Variants in LMNB1 observed in about 807,000 individuals in gnomAD.
LMNB1 encodes lamin B1.
LMNB1 carries 23 observed loss-of-function variants against 67.1 expected under a neutral mutation model. The ratio of observed to expected loss-of-function variants is 0.34; its 90% CI spans 0.25 to 0.49. LMNB1 has a LOEUF of 0.49. LMNB1 is among the 20% of genes least tolerant of loss of function. LMNB1 has a pLI of 0.99. For synonymous variants in LMNB1, 281 were observed against 282.9 expected, an observed-to-expected ratio of 0.99 and a Z score of 0.07; for missense variants, 634 against 746.5, an observed-to-expected ratio of 0.85 and a Z score of 1.76.
At chr5:126,826,132 C>A in intron 9 of LMNB1, 25 bp downstream of exon 9, 1 of 1,591,770 alleles carries the variant, frequency 6.3e-7, no homozygotes, top group Non-Finnish European at 8.6e-7. Context: ...TCAGGACCAC[C>A]ACAATGTTAA....
At position 126,827,151 on chromosome 5, in the gene LMNB1, A is replaced by G. The variant is rs552953213; in HGVS notation, c.1611+1044A>G. Among the ~76,000 whole-genome samples the G allele has an allele frequency of 1.2e-4, 19 of 152,292 alleles. 1 individual carries two copies. The highest frequency in any genetic ancestry group is 1.2e-3 in the South Asian group (6 of 4,824). On this transcript the variant is annotated intron_variant, in intron 9 of 10. Transcript: ENST00000261366. ...ATATAGGGGGAATGTTAGGCTGGCAAACCTGGTAGGGAAGCTAACCATATT... is the reference window on the plus strand; with the variant it reads ...ATATAGGGGGAATGTTAGGCTGGCAGACCTGGTAGGGAAGCTAACCATATT...
intron 8 of LMNB1, among the ~76,000 whole-genome samples, chr5:126,824,355 TAATC>T (rs1751938509): frequency 6.6e-6 from 1 of 152,236 alleles, no homozygotes; most frequent in Non-Finnish European, 1.5e-5. Flanking sequence ...CTTTAACATG[TAATC>T]AGTCTAAAAA....
chr5:126,795,888 A>C (rs1751075345), intron 1 of LMNB1, among the ~76,000 whole-genome samples: 1 of 146,936 alleles, frequency 6.8e-6, no homozygotes, highest in Non-Finnish European at 1.5e-5. Context: ...GGCCTCCCAA[A>C]GTGCTGGGAT....
Position 126,777,827 on chromosome 5 carries a change from C to T in LMNB1, c.319C>T (p.Leu107=). The T allele has an allele frequency of 6.8e-7, 1 of 1,480,614 alleles. No homozygotes were observed. Among genetic ancestry groups the T allele is most frequent in the Non-Finnish European group, 9.0e-7 (1 of 1,114,406 alleles). 91.7% of individuals were successfully genotyped at this position (1,480,614 alleles called of 1,614,324 possible). A position where few individuals can be genotyped will look rare whatever the true frequency, so the allele number is the denominator to read the frequency against. Residue 107 remains leucine, a synonymous_variant, in exon 1 of 11, where the codon CTG becomes TTG. Coordinates refer to ENST00000261366, the MANE Select transcript of LMNB1 (RefSeq NM_005573.4). The part of the protein sequence containing the change: ...ARERAKLQIE[L]GKCKAEHDQL... ...CGAGCGCGCCAAGCTGCAGATCGAG[C>T]TGGGCAAGTGCAAGGCGGAACACGA...
At chr5:126,829,057 A>G (rs1406119239) in intron 9 of LMNB1, among the ~76,000 whole-genome samples, 2 of 151,818 alleles carry the variant, frequency 1.3e-5, no homozygotes, top group African/African-American at 2.4e-5. Flanking sequence ...ATTAGGAACA[A>G]TCTATAAACA....
Position 126,777,702 on chromosome 5 carries a change from C to T in LMNB1, c.194C>T (p.Thr65Met). Residue 65 changes from threonine (T) to methionine (M), a missense_variant, in exon 1 of 11, where the codon ACG becomes ATG. By Grantham distance (81) the Thr-to-Met change is moderately conservative. Transcript: ENST00000261366. ...TENSALQLQV[T>M]EREEVRGREL... ...AACAGCGCGCTGCAGCTGCAGGTGA[C>T]GGAGCGCGAGGAGGTGCGCGGCCGT... 1.9e-6 allele frequency: 3 copies of T among 1,545,328 alleles called. No homozygotes were observed. Among genetic ancestry groups the T allele is most frequent in the African/African-American group, 1.4e-5 (1 of 72,210 alleles).
intron 9 of LMNB1, among the ~76,000 whole-genome samples, chr5:126,832,309 T>C (rs749386046): frequency 2.6e-5 from 4 of 151,926 alleles, no homozygotes; most frequent in Non-Finnish European, 5.9e-5. Context: ...TAAACAGAAA[T>C]GCTGTCTCTT....
intron 4 of LMNB1, 141 bp from the exon 5 acceptor site, chr5:126,811,632 A>G: frequency 4.7e-6 from 3 of 644,200 alleles, no homozygotes; most frequent in Non-Finnish European, 5.2e-6. Context: ...ACACCATATC[A>G]GCAAACTTCA....
chr5:126,812,718 CTTTTTTTTTT>C (rs11430160), intron 5 of LMNB1, among the ~76,000 whole-genome samples: 2 of 117,136 alleles, frequency 1.7e-5, no homozygotes, highest in Non-Finnish European at 3.4e-5. Flanking sequence ...CTTTATTTTA[CTTTTTTTTTT>C]TTTTTTTTTT....
chr5:126,822,196 G>T (rs1055574627), intron 7 of LMNB1, among the ~76,000 whole-genome samples: 1 of 152,026 alleles, frequency 6.6e-6, no homozygotes, highest in Non-Finnish European at 1.5e-5. Flanking sequence ...CACCATGTTG[G>T]CCAGGCTGGT....
intron 1 of LMNB1, among the ~76,000 whole-genome samples, chr5:126,784,341 A>C (rs950470943): frequency 8.3e-6 from 1 of 120,560 alleles, no homozygotes; most frequent in African/African-American, 3.2e-5. Context: ...CTGTCATTTG[A>C]ATTTTTATTA....
At chr5:126,818,230 T>C (rs751880502) in intron 5 of LMNB1, among the ~76,000 whole-genome samples, 3 of 146,206 alleles carry the variant, frequency 2.1e-5, no homozygotes, top group Non-Finnish European at 4.5e-5. Flanking sequence ...TGTCAGTCAG[T>C]GTTTATATCT....
intron 6 of LMNB1, 125 bp from the exon 7 acceptor site, chr5:126,820,785 C>T (rs937910681): frequency 1.4e-5 from 10 of 714,932 alleles, no homozygotes; most frequent in African/African-American, 5.4e-5. Flanking sequence ...CTTGGCCTCC[C>T]AAAGTGCTGT....
rs1372726815 is a variant in LMNB1, at chr5:126,818,908, C to T, written c.940-14C>T. 1 of 1,573,984 alleles carries T rather than the reference C, an allele frequency of 6.4e-7. No individual in the cohort carries two copies. Among genetic ancestry groups the T allele is most frequent in the Non-Finnish European group, 8.7e-7 (1 of 1,144,288 alleles). On this transcript the variant is annotated splice_polypyrimidine_tract_variant and intron_variant, in intron 5 of 10. Transcript: ENST00000261366. ...ATGTTCCTAGAAAGTAAATATGTTTCCTTGCATCTTAAGTCTAGAGCATGT... is the reference window on the plus strand; with the variant it reads ...ATGTTCCTAGAAAGTAAATATGTTTTCTTGCATCTTAAGTCTAGAGCATGT...
chr5:126,777,360 G>GTGCTTCTCCAA lies in LMNB1; in HGVS notation c.-149_-148insTGCTTCTCCAA. 1.1e-6 allele frequency: 1 copy of GTGCTTCTCCAA among 909,822 alleles called. No individual in the cohort carries two copies. The allele number at this position is 909,822 out of a possible 1,614,324, so 56.4% of individuals were successfully genotyped here. A position where few individuals can be genotyped will look rare whatever the true frequency, so the allele number is the denominator to read the frequency against. ...CTGTAATCGAGCTCCCGCCATCCCA[G>GTGCTTCTCCAA]GTGCTTCTCCGTTCCTCTAAACGCC... On this transcript the variant is annotated 5_prime_UTR_variant, in exon 1 of 11. Coordinates refer to ENST00000261366, the MANE Select transcript of LMNB1 (RefSeq NM_005573.4).
intron 1 of LMNB1, among the ~76,000 whole-genome samples, chr5:126,790,982 T>C (rs1750939809): frequency 6.6e-6 from 1 of 151,944 alleles, no homozygotes; most frequent in Non-Finnish European, 1.5e-5. Flanking sequence ...GGTCGCGCCA[T>C]TGCACTCCAG....
chr5:126,803,683 A>G (rs1751344325), intron 1 of LMNB1, among the ~76,000 whole-genome samples: 1 of 152,202 alleles, frequency 6.6e-6, no homozygotes, highest in South Asian at 2.1e-4. Context: ...AGTAGGTGGG[A>G]CTACAGGCAT....
intron 3 of LMNB1, among the ~76,000 whole-genome samples, chr5:126,809,574 T>C (rs1361352113): frequency 1.3e-5 from 2 of 151,846 alleles, no homozygotes; most frequent in Non-Finnish European, 2.9e-5. Flanking sequence ...GTAATCCCAG[T>C]TACTAGGGAG....
chr5:126,817,588 C>A (rs1580548659), intron 5 of LMNB1, among the ~76,000 whole-genome samples: 1 of 152,250 alleles, frequency 6.6e-6, no homozygotes, highest in East Asian at 1.9e-4. Context: ...GGCTTCCTTT[C>A]TGACATACCT....
Sources: allele counts gnomAD v4.1 joint callset (sites outside exome capture counted in the v4.1 genomes callset), GRCh38; gene constraint gnomAD v4.1.1; transcripts MANE v1.5; gene names NCBI Gene and HGNC (gene_info 2026-07-23, HGNC 2026-07-21).